PALD1: variants seen among roughly 807,000 people sequenced by gnomAD.
PALD1 encodes phosphatase domain containing paladin 1.
Under a neutral mutation model 96.0 loss-of-function variants are expected in PALD1, and 57 were observed. The observed-to-expected ratio is 0.59, with a 90% CI of 0.48 to 0.74. The LOEUF (loss-of-function observed/expected upper bound fraction) is 0.74. Ranked by LOEUF, PALD1 falls within the 30% of genes least tolerant of loss-of-function variation. The pLI, the probability that PALD1 is intolerant of heterozygous loss-of-function variation, is 0.00. For missense variants in PALD1, 1,063 were observed against 1,143.7 expected (o/e 0.93, Z 1.02); for synonymous variants, 464 against 473.6 (o/e 0.98, Z 0.26).
chr10:70,474,604 T>C (rs77487214), upstream of PALD1, among the ~76,000 whole-genome samples: 5 of 152,070 alleles, frequency 3.3e-5, no homozygotes, highest in Non-Finnish European at 7.4e-5. Flanking sequence ...AGGCTAAGCA[T>C]TTTTTTGTGA....
At chr10:70,530,241 G>A (rs1169867322) in intron 4 of PALD1, among the ~76,000 whole-genome samples, 173 bp downstream of exon 4, 2 of 152,236 alleles carry the variant, frequency 1.3e-5, no homozygotes, top group Non-Finnish European at 2.9e-5. Context: ...GTCTGGTTGG[G>A]AAATTCTGGT....
chr10:70,529,399 C>T (rs1328621928), intron 3 of PALD1, 68 bp downstream of exon 3: 1 of 749,896 alleles, frequency 1.3e-6, no homozygotes, highest in Non-Finnish European at 2.4e-6. Context: ...GAATTCCCTC[C>T]CTCACCTCCC....
Position 70,540,613 on chromosome 10 carries a change from C to A in PALD1, c.1909-489C>A, listed in dbSNP as rs1316898765. Reference sequence around the variant, plus strand: ...AATGGGGTCTGTTACCCTGCCTGAGCCCCTCCTGGCGCATCTCTTCGCGGC... The same window carrying A: ...AATGGGGTCTGTTACCCTGCCTGAGACCCTCCTGGCGCATCTCTTCGCGGC... On this transcript the variant is annotated intron_variant, in intron 15 of 19. Transcript: ENST00000263563. The surrounding 1 kb of genome is among the most constrained non-coding windows in gnomAD (Gnocchi z 4.2). Among the ~76,000 whole-genome samples, 5 of 152,180 alleles carry A rather than the reference C, an allele frequency of 3.3e-5. No homozygotes were observed. The East Asian group carries it at 9.6e-4, about 29-fold the overall frequency.
chr10:70,474,289 G>T (rs948257580), upstream of PALD1, among the ~76,000 whole-genome samples: 20 of 152,124 alleles, frequency 1.3e-4, no homozygotes, highest in African/African-American at 4.6e-4. Context: ...GGCCGGGCGT[G>T]GTGGCTCACA....
intron 10 of PALD1, among the ~76,000 whole-genome samples, chr10:70,537,221 C>T (rs2059711563): frequency 6.6e-6 from 1 of 152,146 alleles, no homozygotes; most frequent in Admixed American, 6.5e-5. Flanking sequence ...GATTCTCCCA[C>T]CTCAGCCTCA....
chr10:70,471,876 G>A, the PALD1 span, among the ~76,000 whole-genome samples: 3 of 152,342 alleles, frequency 2.0e-5, no homozygotes, highest in South Asian at 6.2e-4. Context: ...GGATAACACA[G>A]CCAGTGAGGG....
intron 17 of PALD1, 73 bp downstream of exon 17, chr10:70,541,607 A>G: frequency 8.9e-7 from 1 of 1,127,234 alleles, no homozygotes; most frequent in Non-Finnish European, 1.3e-6. Context: ...TTGCCGGTCT[A>G]GGGGTCCTCA....
Position 70,539,496 on chromosome 10 carries a change from C to T in PALD1, c.1726-84C>T. 1 of 1,308,872 alleles carries T rather than the reference C, an allele frequency of 7.6e-7. No homozygotes were observed. The highest frequency in any genetic ancestry group is 1.5e-5 in the South Asian group (1 of 68,338). 81.1% of individuals were successfully genotyped at this position (1,308,872 alleles called of 1,614,324 possible). On this transcript the variant is annotated intron_variant, in intron 14 of 19. Transcript: ENST00000263563. The surrounding 1 kb of genome is among the most constrained non-coding windows in gnomAD (Gnocchi z 4.5). ...GATGGGACTGGAAGCCAGGGCCAGG[C>T]CTGGCCATGGCAGGCTGTGGCCTTT... is the stretch of plus-strand genomic sequence containing the variant.
At position 70,564,073 on chromosome 10, in the gene PALD1, C is replaced by T. The variant is rs894718394; in HGVS notation, c.2263-291C>T. On this transcript the variant is annotated intron_variant, in intron 18 of 19. Transcript: ENST00000263563. ...ATGCAGGGTATCTACAATGAGCTCT[C>T]CTGCTGTCCCTGTTCACCCCTCAGA... Among the ~76,000 whole-genome samples, 6 of 152,136 alleles carry T rather than the reference C, an allele frequency of 3.9e-5. No homozygotes were observed. In the South Asian group the frequency reaches 1.2e-3, roughly 31 times the overall value.
chr10:70,566,571 C>G lies in PALD1; in HGVS notation c.2419-10C>G, dbSNP rs369164451. 3 of 1,601,588 alleles carry G rather than the reference C, an allele frequency of 1.9e-6. No individual in the cohort carries two copies. Among genetic ancestry groups the G allele is most frequent in the Non-Finnish European group, 2.6e-6 (3 of 1,173,962 alleles). On this transcript the variant is annotated splice_polypyrimidine_tract_variant and intron_variant, in intron 19 of 19. Coordinates refer to ENST00000263563, the MANE Select transcript of PALD1 (RefSeq NM_014431.3). Reference sequence around the variant, plus strand: ...CTGAAACACTGCTCCTGCCTCTGCTCTCCTCCCAGGTGGCATCGAAGGCTG... The same window carrying G: ...CTGAAACACTGCTCCTGCCTCTGCTGTCCTCCCAGGTGGCATCGAAGGCTG...
At chr10:70,552,894 T>C (rs1047708108) in intron 18 of PALD1, among the ~76,000 whole-genome samples, 24 of 152,126 alleles carry the variant, frequency 1.6e-4, no homozygotes, top group African/African-American at 3.1e-4. Context: ...GTTCTCCTTT[T>C]CCCCCCTGAA....
upstream of PALD1, among the ~76,000 whole-genome samples, chr10:70,475,259 G>A (rs964055657): frequency 1.3e-5 from 2 of 152,230 alleles, no homozygotes; most frequent in African/African-American, 4.8e-5. Flanking sequence ...CACACAGAAG[G>A]GGGCTGAAAA....
intron 18 of PALD1, among the ~76,000 whole-genome samples, chr10:70,556,703 C>T (rs1351905946): frequency 6.6e-6 from 1 of 152,188 alleles, no homozygotes; most frequent in Non-Finnish European, 1.5e-5. Flanking sequence ...CTTTATTCAA[C>T]AACAAACATC....
chr10:70,508,567 A>C (rs1846441678), intron 1 of PALD1, among the ~76,000 whole-genome samples: 1 of 152,180 alleles, frequency 6.6e-6, no homozygotes, highest in South Asian at 2.1e-4. Flanking sequence ...AGTGATGCGC[A>C]TGAGCACGAG....
chr10:70,527,966 C>T (rs920165804), intron 2 of PALD1, among the ~76,000 whole-genome samples: 11 of 147,522 alleles, frequency 7.5e-5, no homozygotes, highest in African/African-American at 2.7e-4. Flanking sequence ...GTATGTGATG[C>T]TTCCCTTCCC....
chr10:70,478,973 C>G lies in PALD1; in HGVS notation c.-116C>G, dbSNP rs939763263. ...GCCAGAGCGCGCGCCGGGCGCGCCC[C>G]GTCGCTGCCTGACTCGGCGCCCGCA... On this transcript the variant is annotated 5_prime_UTR_variant, in exon 1 of 20. Transcript: ENST00000263563. The G allele has an allele frequency of 1.8e-3, 269 of 152,214 alleles. 1 individual carries two copies. The highest frequency in any genetic ancestry group is 6.1e-3 in the African/African-American group (253 of 41,544). 9.4% of individuals were successfully genotyped at this position (152,214 alleles called of 1,614,324 possible).
At chr10:70,516,632 T>G (rs540113174) in intron 1 of PALD1, among the ~76,000 whole-genome samples, 37 of 152,100 alleles carry the variant, frequency 2.4e-4, no homozygotes, top group African/African-American at 8.2e-4. Flanking sequence ...TGGTTCACTG[T>G]AGCCTTGACC....
At chr10:70,487,883 A>C (rs1377180690) in intron 1 of PALD1, among the ~76,000 whole-genome samples, 1 of 151,864 alleles carries the variant, frequency 6.6e-6, no homozygotes, top group African/African-American at 2.4e-5. Context: ...GCCGGTCACC[A>C]CTCCCACCTT....
At chr10:70,560,858 T>C (rs1457280260) in intron 18 of PALD1, among the ~76,000 whole-genome samples, 1 of 152,082 alleles carries the variant, frequency 6.6e-6, no homozygotes, top group African/African-American at 2.4e-5. Context: ...AATGACAGCC[T>C]GGCAGGCCGT....
Sources: gnomAD v4.1 joint callset for allele counts (sites outside exome capture counted in the v4.1 genomes callset) on GRCh38, gnomAD v4.1.1 for gene constraint, Gnocchi (gnomAD v3.1) non-coding constraint, MANE v1.5 for transcripts, NCBI Gene and HGNC (gene_info 2026-07-23, HGNC 2026-07-21) for gene names.